MYRFL: variants seen among roughly 807,000 people sequenced by gnomAD.
The protein encoded by MYRFL is myelin regulatory factor like, also known as myelin regulatory factor-like protein.
In MYRFL, 88 loss-of-function variants were observed where a neutral mutation model predicts 109.4. The ratio of observed to expected loss-of-function variants is 0.80; its 90% CI spans 0.68 to 0.96. The LOEUF (loss-of-function observed/expected upper bound fraction) is 0.96. MYRFL is among the 40% of genes least tolerant of loss of function. The pLI, the probability that MYRFL is intolerant of heterozygous loss-of-function variation, is 0.00. For synonymous variants in MYRFL, 324 were observed against 320.9 expected, an observed-to-expected ratio of 1.01 and a Z score of -0.10; for missense variants, 957 against 954.9, an observed-to-expected ratio of 1.00 and a Z score of -0.03.
intron 2 of MYRFL, among the ~76,000 whole-genome samples, chr12:69,871,938 A>G (rs899534878): frequency 4.6e-5 from 7 of 152,212 alleles, no homozygotes; most frequent in Admixed American, 3.9e-4. Context: ...TTTTGGTTCT[A>G]TCAACTTGTT....
intron 7 of MYRFL, among the ~76,000 whole-genome samples, chr12:69,891,650 T>G (rs1270931152): frequency 9.7e-6 from 1 of 103,360 alleles, no homozygotes; most frequent in African/African-American, 4.1e-5. Context: ...TCTTTCTTTC[T>G]TTCTTTCTTT....
In MYRFL at chr12:69,875,077, A is replaced by G. The variant is rs535961402; in HGVS notation, c.138-3951A>G. 2.6e-5 allele frequency among the ~76,000 whole-genome samples: 4 copies of G among 151,410 alleles called. No individual in the cohort carries two copies. The South Asian group carries it at 8.3e-4, about 32-fold the overall frequency. On this transcript the variant is annotated intron_variant, in intron 2 of 24. Coordinates refer to ENST00000552032, the MANE Select transcript of MYRFL (RefSeq NM_182530.3). The stretch of plus-strand genomic sequence containing the variant: ...GAAGTATATATCTTCATAAAGATAT[A>G]TACATTTATATCTTTTCCTAAATTT...
At chr12:69,881,398 G>GT (rs1390550077) in intron 5 of MYRFL, among the ~76,000 whole-genome samples, 8 of 152,204 alleles carry the variant, frequency 5.3e-5, no homozygotes, top group Non-Finnish European at 1.2e-4. Flanking sequence ...TCCTTCTTGG[G>GT]TTCCCCCATC....
chr12:69,881,308 T>C (rs1052592832), intron 5 of MYRFL, among the ~76,000 whole-genome samples: 3 of 152,160 alleles, frequency 2.0e-5, no homozygotes, highest in Admixed American at 2.0e-4. Flanking sequence ...CACTCAAATG[T>C]GGGCAGTGTG....
At chr12:69,953,172 G>A (rs948066470) in intron 21 of MYRFL, among the ~76,000 whole-genome samples, 11 of 152,138 alleles carry the variant, frequency 7.2e-5, no homozygotes, top group Non-Finnish European at 1.3e-4. Context: ...CTCTCTGAGG[G>A]CACATATCAA....
intron 15 of MYRFL, among the ~76,000 whole-genome samples, chr12:69,931,667 A>G (rs1152959): frequency 0.26 from 39,689 of 152,142 alleles, 5,434 homozygotes; most frequent in Non-Finnish European, 0.32. Flanking sequence ...CCCCGGAAGC[A>G]AGCAGATATA....
intron 19 of MYRFL, among the ~76,000 whole-genome samples, chr12:69,938,064 A>C (rs559989481): frequency 6.6e-6 from 1 of 152,290 alleles, no homozygotes; most frequent in African/African-American, 2.4e-5. Flanking sequence ...TCTCATGAAA[A>C]CTATTTTTGA....
intron 7 of MYRFL, among the ~76,000 whole-genome samples, chr12:69,891,561 A>ATTTCTTTCTTTCTTTCTTTCTCTC: frequency 8.8e-6 from 1 of 113,998 alleles, no homozygotes; most frequent in Non-Finnish European, 1.9e-5. Flanking sequence ...AAAGGTGTCA[A>ATTTCTTTCTTTCTTTCTTTCTCTC]TTTCTTTCTT....
At chr12:69,898,291 CT>C (rs1208926297) in intron 10 of MYRFL, among the ~76,000 whole-genome samples, 6 of 152,150 alleles carry the variant, frequency 3.9e-5, no homozygotes, top group African/African-American at 1.4e-4. Flanking sequence ...AGTGGAAATC[CT>C]TTAACTATGT....
intron 2 of MYRFL, among the ~76,000 whole-genome samples, chr12:69,873,665 A>G (rs1021943420): frequency 2.0e-5 from 3 of 152,248 alleles, no homozygotes; most frequent in African/African-American, 7.2e-5. Flanking sequence ...TTATGATTTC[A>G]TCATGCTACT....
At chr12:69,839,220 A>G (rs1481404319) in intron 1 of MYRFL, among the ~76,000 whole-genome samples, 1 of 152,170 alleles carries the variant, frequency 6.6e-6, no homozygotes, top group South Asian at 2.1e-4. Flanking sequence ...TTGAACCCAG[A>G]AAGAACAGGT....
rs1406322833 is a variant in MYRFL at position 69,936,715 on chromosome 12, A to G, written c.2224+83A>G. 15 of 1,239,536 alleles carry G rather than the reference A, an allele frequency of 1.2e-5. No homozygotes were observed. In the South Asian group the frequency reaches 2.3e-4, roughly 19 times the overall value. 76.8% of individuals were successfully genotyped at this position (1,239,536 alleles called of 1,614,324 possible). A position where few individuals can be genotyped will look rare whatever the true frequency, so the allele number is the denominator to read the frequency against. ...TCACAATTTACTTAGATGGTCATTA[A>G]TGGTTCCAGATAATGGTTCCATGCT... On this transcript the variant is annotated intron_variant, in intron 19 of 24. Transcript: ENST00000552032.
Position 69,878,593 on chromosome 12 carries a change from T to C in MYRFL, c.138-435T>C, listed in dbSNP as rs568987930. Reference sequence around the variant, plus strand: ...TCAATCAGTGCCATTGGGATATCTGTCACTTTAAATATTTGTCCTTTATAA... The same window carrying C: ...TCAATCAGTGCCATTGGGATATCTGCCACTTTAAATATTTGTCCTTTATAA... On this transcript the variant is annotated intron_variant, in intron 2 of 24. Transcript: ENST00000552032. Among the ~76,000 whole-genome samples the C allele has an allele frequency of 5.3e-5, 8 of 152,366 alleles. 1 individual carries two copies. In the South Asian group the frequency reaches 1.7e-3, roughly 32 times the overall value.
chr12:69,957,063 T>C (rs1190975387), intron 22 of MYRFL, among the ~76,000 whole-genome samples: 1 of 152,232 alleles, frequency 6.6e-6, no homozygotes, highest in Non-Finnish European at 1.5e-5. Context: ...ACTGAGATTG[T>C]AGGTTGCCCC....
At chr12:69,922,088 G>C (rs537993469) in intron 13 of MYRFL, among the ~76,000 whole-genome samples, 2 of 152,146 alleles carry the variant, frequency 1.3e-5, no homozygotes, top group East Asian at 3.9e-4. Flanking sequence ...TTAGGATGCC[G>C]AACTGACAGT....
intron 22 of MYRFL, among the ~76,000 whole-genome samples, chr12:69,956,734 A>G (rs895713069): frequency 1.3e-5 from 2 of 152,050 alleles, no homozygotes; most frequent in African/African-American, 4.8e-5. Context: ...TGAGGAACCA[A>G]TGTCACTCAA....
In MYRFL at chr12:69,829,670, G is replaced by A. The variant is rs1471314197; in HGVS notation, c.46+4107G>A. On this transcript the variant is annotated intron_variant, in intron 1 of 24. Transcript: ENST00000552032. ...CCAGCAAGTTCAACTGTATGAAGAG[G>A]GAAAACTTGCCCAGTAGCAGAATGG... Among the ~76,000 whole-genome samples the A allele has an allele frequency of 2.6e-5, 4 of 152,084 alleles. No individual in the cohort carries two copies. In the East Asian group the frequency reaches 7.7e-4, roughly 29 times the overall value.
intron 19 of MYRFL, among the ~76,000 whole-genome samples, chr12:69,940,095 T>C (rs1350842355): frequency 6.6e-6 from 1 of 151,622 alleles, no homozygotes; most frequent in African/African-American, 2.4e-5. Flanking sequence ...CTGAAAGTGA[T>C]GGGGAGAATG....
intron 19 of MYRFL, among the ~76,000 whole-genome samples, chr12:69,944,519 C>T (rs970075030): frequency 2.2e-5 from 3 of 136,942 alleles, no homozygotes; most frequent in African/African-American, 8.3e-5. Context: ...GAACATCACA[C>T]TCTGAGGACT....
Sources: allele counts gnomAD v4.1 joint callset (sites outside exome capture counted in the v4.1 genomes callset), GRCh38; gene constraint gnomAD v4.1.1; transcripts MANE v1.5; gene names NCBI Gene and HGNC (gene_info 2026-07-23, HGNC 2026-07-21).